The following SLC4A10 variants were observed in gnomAD, a reference collection of about 807,000 sequenced individuals.
SLC4A10 encodes sodium-driven chloride bicarbonate exchanger.
SLC4A10 carries 42 observed loss-of-function variants against 137.7 expected under a neutral mutation model. The observed-to-expected ratio is 0.30, with a 90% CI of 0.24 to 0.39. The LOEUF is 0.39. Ranked by LOEUF, SLC4A10 falls within the 10% of genes least tolerant of loss-of-function variation. The pLI is 1.00. For missense variants in SLC4A10, 925 were observed against 1,355.0 expected, an observed-to-expected ratio of 0.68 and a Z score of 4.98; for synonymous variants, 474 against 464.1, an observed-to-expected ratio of 1.02 and a Z score of -0.27.
chr2:161,929,917 T>A (rs1264323453), intron 15 of SLC4A10, among the ~76,000 whole-genome samples: 1 of 152,184 alleles, frequency 6.6e-6, no homozygotes, highest in Non-Finnish European at 1.5e-5. Context: ...GTATTATATA[T>A]CAAGAATATT....
chr2:161,630,175 C>T (rs2033250637), intron 1 of SLC4A10, among the ~76,000 whole-genome samples: 1 of 151,806 alleles, frequency 6.6e-6, no homozygotes, highest in Non-Finnish European at 1.5e-5. Flanking sequence ...CCTCTTGCTC[C>T]ACACACTTAC....
At chr2:161,832,523 C>T (rs1160359889) in intron 3 of SLC4A10, among the ~76,000 whole-genome samples, 3 of 152,144 alleles carry the variant, frequency 2.0e-5, no homozygotes, top group Non-Finnish European at 4.4e-5. Flanking sequence ...TATTCTTCTA[C>T]TCTATTGCTC....
intron 1 of SLC4A10, among the ~76,000 whole-genome samples, chr2:161,695,543 C>A (rs2042398688): frequency 6.6e-6 from 1 of 152,000 alleles, no homozygotes; most frequent in South Asian, 2.1e-4. Context: ...AAGACTTTAA[C>A]CTACATATTT....
intron 3 of SLC4A10, among the ~76,000 whole-genome samples, chr2:161,819,415 A>G (rs2057416803): frequency 6.6e-6 from 1 of 152,142 alleles, no homozygotes; most frequent in South Asian, 2.1e-4. Context: ...AAATATATTA[A>G]TTTGTTTAGA....
intron 1 of SLC4A10, among the ~76,000 whole-genome samples, chr2:161,645,760 G>T (rs895212806): frequency 6.6e-6 from 1 of 152,086 alleles, no homozygotes; most frequent in Admixed American, 6.5e-5. Context: ...ACATAGTAAA[G>T]TAATTTTACA....
At chr2:161,750,308 C>A (rs1056913184) in intron 1 of SLC4A10, among the ~76,000 whole-genome samples, 1 of 151,632 alleles carries the variant, frequency 6.6e-6, no homozygotes, top group African/African-American at 2.4e-5. Flanking sequence ...GTCTGTTCTA[C>A]CTTTTCTAGT....
chr2:161,908,217 G>A (rs1471962023), intron 15 of SLC4A10, among the ~76,000 whole-genome samples: 1 of 152,068 alleles, frequency 6.6e-6, no homozygotes, highest in African/African-American at 2.4e-5. Flanking sequence ...CAAGAAACAA[G>A]AAATGTATCA....
chr2:161,676,588 G>A (rs557151922), intron 1 of SLC4A10, among the ~76,000 whole-genome samples: 75 of 152,194 alleles, frequency 4.9e-4, no homozygotes, highest in African/African-American at 1.8e-3. Context: ...TAGAGGCTAA[G>A]GCATTTAAGT....
chr2:161,670,824 AG>A (rs2039612355), intron 1 of SLC4A10, among the ~76,000 whole-genome samples: 3 of 152,056 alleles, frequency 2.0e-5, no homozygotes, highest in Non-Finnish European at 4.4e-5. Flanking sequence ...TAAATTCTCC[AG>A]GGTCCAGATC....
At chr2:161,951,919 C>G (rs1238892387) in intron 19 of SLC4A10, among the ~76,000 whole-genome samples, 1 of 152,006 alleles carries the variant, frequency 6.6e-6, no homozygotes, top group Non-Finnish European at 1.5e-5. Context: ...TATCTTAAAG[C>G]AAAGGACATT....
chr2:161,713,244 GA>G (rs2044488730), intron 1 of SLC4A10, among the ~76,000 whole-genome samples: 1 of 151,588 alleles, frequency 6.6e-6, no homozygotes, highest in South Asian at 2.1e-4. Context: ...TCTAAACTGA[GA>G]ACATTTCTTT....
chr2:161,870,101 A>G (rs2061020887), intron 6 of SLC4A10, among the ~76,000 whole-genome samples: 1 of 151,200 alleles, frequency 6.6e-6, no homozygotes, highest in South Asian at 2.1e-4. Flanking sequence ...CTTGTTTTAG[A>G]ACAAGAATAG....
intron 2 of SLC4A10, among the ~76,000 whole-genome samples, chr2:161,774,711 A>C (rs1397697031): frequency 6.6e-6 from 1 of 151,904 alleles, no homozygotes; most frequent in Non-Finnish European, 1.5e-5. Flanking sequence ...CTAGCCTAGC[A>C]TCAGAGTTCC....
chr2:161,874,473 A>G (rs1292600468), intron 8 of SLC4A10, among the ~76,000 whole-genome samples: 2 of 152,270 alleles, frequency 1.3e-5, no homozygotes, highest in African/African-American at 4.8e-5. Context: ...ATATGAAAGA[A>G]AATGAAGATT....
At chr2:161,790,138 A>C (rs2054048425) in intron 2 of SLC4A10, among the ~76,000 whole-genome samples, 1 of 152,214 alleles carries the variant, frequency 6.6e-6, no homozygotes, top group African/African-American at 2.4e-5. Flanking sequence ...AGTTGAGAAT[A>C]TTCTATTATA....
At chr2:161,776,393 A>G (rs1293594087) in intron 2 of SLC4A10, among the ~76,000 whole-genome samples, 1 of 151,968 alleles carries the variant, frequency 6.6e-6, no homozygotes, top group Non-Finnish European at 1.5e-5. Context: ...GTCAACAACC[A>G]TTCTACCTTC....
At chr2:161,819,834 A>C (rs1327229604) in intron 3 of SLC4A10, among the ~76,000 whole-genome samples, 1 of 152,142 alleles carries the variant, frequency 6.6e-6, no homozygotes, top group East Asian at 1.9e-4. Flanking sequence ...TTCTCTTTGT[A>C]TAATTTGAAA....
intron 16 of SLC4A10, among the ~76,000 whole-genome samples, chr2:161,945,428 G>T (rs1316712788): frequency 6.6e-6 from 1 of 151,242 alleles, no homozygotes; most frequent in Non-Finnish European, 1.5e-5. Flanking sequence ...TTATAGAATT[G>T]CTGAAACTTA....
At chr2:161,767,137 ATATG>A (rs1451240942) in intron 1 of SLC4A10, among the ~76,000 whole-genome samples, 167 of 85,856 alleles carry the variant, frequency 1.9e-3, no homozygotes, top group Non-Finnish European at 2.8e-3. Flanking sequence ...ATATATATAT[ATATG>A]TGTGTGTGTG....
Sources: allele counts gnomAD v4.1 joint callset (sites outside exome capture counted in the v4.1 genomes callset), GRCh38; gene constraint gnomAD v4.1.1; transcripts MANE v1.5; gene names NCBI Gene and HGNC (gene_info 2026-07-23, HGNC 2026-07-21).